The following SLC35D4 variants were observed in gnomAD, a reference collection of about 807,000 sequenced individuals.
SLC35D4 encodes UDP-N-acetylglucosamine transporter SLC35D4.
the SLC35D4 span, among the ~76,000 whole-genome samples, chr18:23,418,939 C>T: frequency 4.0e-5 from 6 of 151,586 alleles, no homozygotes; most frequent in Admixed American, 1.3e-4. Context: ...ACCCGGGAGA[C>T]GGAGCTTGCA....
At chr18:23,264,288 C>A in the SLC35D4 span, among the ~76,000 whole-genome samples, 14 of 146,258 alleles carry the variant, frequency 9.6e-5, no homozygotes, top group African/African-American at 3.5e-4. Context: ...GAAGGCAAAG[C>A]GGGAACAGGC....
the SLC35D4 span, among the ~76,000 whole-genome samples, chr18:23,311,075 G>A: frequency 1.3e-5 from 2 of 151,634 alleles, no homozygotes; most frequent in Non-Finnish European, 2.9e-5. Flanking sequence ...GAGCTGATGC[G>A]CATGATGAAT....
the SLC35D4 span, among the ~76,000 whole-genome samples, chr18:23,336,040 G>A: frequency 7.3e-5 from 11 of 150,742 alleles, no homozygotes; most frequent in Admixed American, 3.3e-4. Flanking sequence ...AAAATAGCTC[G>A]GAAAAAATGA....
At chr18:23,411,709 A>C in the SLC35D4 span, among the ~76,000 whole-genome samples, 1 of 152,306 alleles carries the variant, frequency 6.6e-6, no homozygotes, top group Admixed American at 6.5e-5. Flanking sequence ...TCTTGTTTGA[A>C]TCATGGGCCT....
At chr18:23,317,740 T>A in the SLC35D4 span, among the ~76,000 whole-genome samples, 1 of 151,876 alleles carries the variant, frequency 6.6e-6, no homozygotes, top group Non-Finnish European at 1.5e-5. Flanking sequence ...TTTATATGTT[T>A]CATTTCTTTT....
At chr18:23,364,850 C>T in the SLC35D4 span, among the ~76,000 whole-genome samples, 4 of 121,470 alleles carry the variant, frequency 3.3e-5, no homozygotes, top group Non-Finnish European at 4.8e-5. Context: ...TTGCAGTGAG[C>T]TGAGATCATG....
chr18:23,364,902 C>CAAAAAAAAAAAAAA, the SLC35D4 span, among the ~76,000 whole-genome samples: 2 of 31,886 alleles, frequency 6.3e-5, no homozygotes, highest in Non-Finnish European at 9.3e-5. Context: ...GACTCTGTCT[C>CAAAAAAAAAAAAAA]AAAAAAAAAA....
chr18:23,302,268 C>T, the SLC35D4 span, among the ~76,000 whole-genome samples: 24 of 152,292 alleles, frequency 1.6e-4, no homozygotes, highest in Middle Eastern at 3.4e-3. Context: ...AGCTCTCATT[C>T]GATGAGCAAG....
the SLC35D4 span, among the ~76,000 whole-genome samples, chr18:23,306,896 G>A: frequency 6.6e-6 from 1 of 152,212 alleles, no homozygotes; most frequent in Non-Finnish European, 1.5e-5. Flanking sequence ...TCTACATAAT[G>A]TGCAGCATCC....
chr18:23,294,395 C>T, the SLC35D4 span, among the ~76,000 whole-genome samples: 5 of 152,106 alleles, frequency 3.3e-5, no homozygotes, highest in African/African-American at 1.2e-4. Flanking sequence ...CTTCATTCAG[C>T]GCTGAGCACG....
chr18:23,421,079 A>G, the SLC35D4 span, among the ~76,000 whole-genome samples: 1 of 151,850 alleles, frequency 6.6e-6, no homozygotes, highest in African/African-American at 2.4e-5. Context: ...CCCCGTCTCT[A>G]CTAAAAATAC....
chr18:23,414,711 C>T, the SLC35D4 span, among the ~76,000 whole-genome samples: 1 of 152,094 alleles, frequency 6.6e-6, no homozygotes, highest in African/African-American at 2.4e-5. Flanking sequence ...GACACAATGG[C>T]ACACACCTGT....
chr18:23,416,589 C>T, the SLC35D4 span, among the ~76,000 whole-genome samples: 1 of 152,206 alleles, frequency 6.6e-6, no homozygotes, highest in Admixed American at 6.5e-5. Flanking sequence ...TCTGGTAACG[C>T]TCCTTTGCCA....
the SLC35D4 span, among the ~76,000 whole-genome samples, chr18:23,346,863 G>C: frequency 6.6e-6 from 1 of 152,198 alleles, no homozygotes; most frequent in Non-Finnish European, 1.5e-5. Context: ...GCATTCCTGA[G>C]ATAAATCTCA....
At chr18:23,291,378 T>G in the SLC35D4 span, among the ~76,000 whole-genome samples, 1 of 152,224 alleles carries the variant, frequency 6.6e-6, no homozygotes, top group South Asian at 2.1e-4. Context: ...TATTGTTGCA[T>G]AACACGCTGT....
chr18:23,255,780 C>T, the SLC35D4 span, among the ~76,000 whole-genome samples: 8 of 151,944 alleles, frequency 5.3e-5, no homozygotes, highest in Admixed American at 1.3e-4. Flanking sequence ...AGGCTAGTCT[C>T]GAACTCCTGG....
the SLC35D4 span, among the ~76,000 whole-genome samples, chr18:23,396,334 A>C: frequency 6.6e-6 from 1 of 152,210 alleles, no homozygotes; most frequent in Non-Finnish European, 1.5e-5. Flanking sequence ...TTATGGATTC[A>C]TTAAACTGAC....
the SLC35D4 span, chr18:23,437,936 G>A: frequency 1.2e-5 from 17 of 1,445,162 alleles, no homozygotes; most frequent in Non-Finnish European, 1.1e-5. Flanking sequence ...CAGCAGCAGC[G>A]GCAGCGGCAG....
the SLC35D4 span, among the ~76,000 whole-genome samples, chr18:23,298,288 G>A: frequency 6.6e-6 from 1 of 152,310 alleles, no homozygotes; most frequent in South Asian, 2.1e-4. Context: ...AGGCGGGCTC[G>A]ATACCTTCCC....
Sources: allele counts gnomAD v4.1 joint callset (sites outside exome capture counted in the v4.1 genomes callset), GRCh38; gene constraint gnomAD v4.1.1; transcripts MANE v1.5; gene names NCBI Gene and HGNC (gene_info 2026-07-23, HGNC 2026-07-21).